Variants in RASAL2 observed in about 807,000 individuals in gnomAD.
The protein encoded by RASAL2 is ras GTPase-activating protein nGAP.
A neutral mutation model predicts 128.9 loss-of-function variants in RASAL2; 58 were observed. That is an observed-to-expected ratio of 0.45 (90% CI 0.36 to 0.56). The LOEUF (loss-of-function observed/expected upper bound fraction) is 0.56, where lower values mean the gene tolerates loss of function less well. Ranked by LOEUF, RASAL2 falls within the 20% of genes least tolerant of loss-of-function variation. The pLI is 0.00. For synonymous variants in RASAL2, 561 were observed against 580.8 expected, an observed-to-expected ratio of 0.97 and a Z score of 0.49; for missense variants, 1,360 against 1,601.6, an observed-to-expected ratio of 0.85 and a Z score of 2.57.
intron 5 of RASAL2, among the ~76,000 whole-genome samples, chr1:178,438,975 C>T (rs2102829217): frequency 6.9e-6 from 1 of 144,770 alleles, no homozygotes; most frequent in African/African-American, 2.5e-5. Flanking sequence ...TCAGCCACTA[C>T]TATTCTGTCA....
intron 1 of RASAL2, among the ~76,000 whole-genome samples, chr1:178,156,365 C>G (rs1447454641): frequency 2.6e-5 from 4 of 152,140 alleles, no homozygotes; most frequent in Non-Finnish European, 5.9e-5. Context: ...CCCTTTTCCA[C>G]TTCTCATTAT....
chr1:178,436,287 T>A (rs544793685), intron 5 of RASAL2, among the ~76,000 whole-genome samples: 1 of 152,224 alleles, frequency 6.6e-6, no homozygotes, highest in South Asian at 2.1e-4. Context: ...TTCGTGACTT[T>A]GGTTTTCAAT....
chr1:178,264,647 A>T (rs1045798601), intron 1 of RASAL2, among the ~76,000 whole-genome samples: 2 of 152,204 alleles, frequency 1.3e-5, no homozygotes, highest in African/African-American at 4.8e-5. Flanking sequence ...GGTCTGGAAG[A>T]TTTCTAAGGG....
Position 178,184,161 on chromosome 1 carries a change from T to G in RASAL2, c.202+89467T>G, listed in dbSNP as rs199561411. On this transcript the variant is annotated intron_variant, in intron 1 of 17. Coordinates refer to ENST00000367649, the MANE Select transcript of RASAL2 (RefSeq NM_170692.4). ...TAAAATTGAGTTATCTGTTTTTATA[T>G]TGGTGAACTTTATAGAGTCTTTGTA... 3.3e-5 allele frequency among the ~76,000 whole-genome samples: 5 copies of G among 152,344 alleles called. No homozygotes were observed. The East Asian group carries it at 9.6e-4, about 29-fold the overall frequency.
At chr1:178,169,405 G>A (rs1371170535) in intron 1 of RASAL2, among the ~76,000 whole-genome samples, 1 of 152,014 alleles carries the variant, frequency 6.6e-6, no homozygotes, top group East Asian at 1.9e-4. Flanking sequence ...AAATACATCT[G>A]GTTGACTTTT....
At chr1:178,363,819 G>A (rs145226175) in intron 3 of RASAL2, among the ~76,000 whole-genome samples, 18 of 152,230 alleles carry the variant, frequency 1.2e-4, no homozygotes, top group African/African-American at 2.2e-4. Flanking sequence ...TAAAAAGGCC[G>A]GGTGCGGTGG....
chr1:178,368,295 A>G (rs985696942), intron 3 of RASAL2, among the ~76,000 whole-genome samples: 13 of 152,228 alleles, frequency 8.5e-5, no homozygotes, highest in Non-Finnish European at 1.6e-4. Context: ...TAGAATACTT[A>G]TCTCACGTGG....
chr1:178,238,788 A>G (rs1161761326), intron 1 of RASAL2, among the ~76,000 whole-genome samples: 1 of 152,122 alleles, frequency 6.6e-6, no homozygotes, highest in Non-Finnish European at 1.5e-5. Context: ...GCTTGATTAC[A>G]ATGAACAGTA....
Position 178,372,475 on chromosome 1 carries a change from TTTTG to T in RASAL2, c.458-17619_458-17616del, listed in dbSNP as rs1344779656. On this transcript the variant is annotated intron_variant, in intron 3 of 17. Coordinates refer to ENST00000367649, the MANE Select transcript of RASAL2 (RefSeq NM_170692.4). Reference sequence around the variant, plus strand: ...ATGTTTAAGTCGTTTGCTTTTCAAATTTTGTTTGTCTGTAGAAATAATGCCACCA... The same window carrying T: ...ATGTTTAAGTCGTTTGCTTTTCAAATTTTGTCTGTAGAAATAATGCCACCA... Among the ~76,000 whole-genome samples the T allele has an allele frequency of 3.3e-5, 5 of 152,148 alleles. No individual in the cohort carries two copies. In the East Asian group the frequency reaches 5.8e-4, roughly 18 times the overall value.
At chr1:178,164,075 T>C (rs1213846403) in intron 1 of RASAL2, among the ~76,000 whole-genome samples, 3 of 152,160 alleles carry the variant, frequency 2.0e-5, no homozygotes, top group Non-Finnish European at 4.4e-5. Flanking sequence ...ATTTGGGGAA[T>C]CTGGATGAAG....
At chr1:178,411,167 C>T (rs1206549628) in intron 4 of RASAL2, among the ~76,000 whole-genome samples, 4 of 580 alleles carry the variant, frequency 6.9e-3, no homozygotes, top group African/African-American at 0.029. Context: ...TGTGTGTGTA[C>T]ACACACACAC....
At chr1:178,133,382 C>G (rs1490937054) in intron 1 of RASAL2, among the ~76,000 whole-genome samples, 1 of 152,142 alleles carries the variant, frequency 6.6e-6, no homozygotes, top group Non-Finnish European at 1.5e-5. Context: ...CCTAGCAACT[C>G]TATGAATAGC....
intron 1 of RASAL2, among the ~76,000 whole-genome samples, chr1:178,240,379 C>T (rs1664447500): frequency 6.6e-6 from 1 of 151,996 alleles, no homozygotes; most frequent in Non-Finnish European, 1.5e-5. Context: ...TAAACCCTAT[C>T]ACTTCAGATG....
chr1:178,313,195 G>A (rs1668344077), intron 3 of RASAL2, among the ~76,000 whole-genome samples: 1 of 152,144 alleles, frequency 6.6e-6, no homozygotes, highest in African/African-American at 2.4e-5. Context: ...AACTATATAG[G>A]GAAGGTGAGA....
At chr1:178,310,843 T>A (rs1162102046) in intron 3 of RASAL2, among the ~76,000 whole-genome samples, 1 of 152,184 alleles carries the variant, frequency 6.6e-6, no homozygotes, top group Non-Finnish European at 1.5e-5. Flanking sequence ...GCAGTAGAGT[T>A]TCTTCAATAA....
intron 3 of RASAL2, among the ~76,000 whole-genome samples, chr1:178,378,590 T>C (rs1672118865): frequency 6.6e-6 from 1 of 152,120 alleles, no homozygotes; most frequent in Non-Finnish European, 1.5e-5. Flanking sequence ...GATTGCATTC[T>C]CTAATAACAG....
intron 1 of RASAL2, among the ~76,000 whole-genome samples, chr1:178,266,802 A>G (rs1665974097): frequency 6.6e-6 from 1 of 152,094 alleles, no homozygotes; most frequent in Admixed American, 6.5e-5. Flanking sequence ...GTGGGAAAAA[A>G]CTGGCCCTCC....
rs191817030 is a variant in RASAL2, at chr1:178,268,727, A to G, written c.203-14837A>G. 7.9e-5 allele frequency among the ~76,000 whole-genome samples: 12 copies of G among 152,254 alleles called. No individual in the cohort carries two copies. In the East Asian group the frequency reaches 2.3e-3, roughly 29 times the overall value. On this transcript the variant is annotated intron_variant, in intron 1 of 17. Coordinates refer to ENST00000367649, the MANE Select transcript of RASAL2 (RefSeq NM_170692.4). ...CCCTGCCTTAGCCTCCTGAGTAGCTAGGACGACAGGCATGCACCACGGCTC... is the reference window on the plus strand; with the variant it reads ...CCCTGCCTTAGCCTCCTGAGTAGCTGGGACGACAGGCATGCACCACGGCTC...
At chr1:178,190,575 A>C (rs1181015041) in intron 1 of RASAL2, among the ~76,000 whole-genome samples, 4 of 152,194 alleles carry the variant, frequency 2.6e-5, no homozygotes, top group African/African-American at 9.6e-5. Flanking sequence ...ACAGGAAGGA[A>C]TCTATCTAGC....
Sources: allele counts gnomAD v4.1 joint callset (sites outside exome capture counted in the v4.1 genomes callset), GRCh38; gene constraint gnomAD v4.1.1; transcripts MANE v1.5; gene names NCBI Gene and HGNC (gene_info 2026-07-23, HGNC 2026-07-21).